GRID1: variants seen among roughly 807,000 people sequenced by gnomAD.
GRID1 encodes glutamate receptor ionotropic, delta-1.
Under a neutral mutation model 98.0 loss-of-function variants are expected in GRID1, and 28 were observed. That is an observed-to-expected ratio of 0.29 (90% CI 0.21 to 0.39). The LOEUF (loss-of-function observed/expected upper bound fraction) is 0.39. Among genes scored for constraint, GRID1 ranks in the 10% least tolerant of loss-of-function variants. The pLI is 1.00. For synonymous variants in GRID1, 553 were observed against 538.5 expected, an observed-to-expected ratio of 1.03 and a Z score of -0.37; for missense variants, 1,111 against 1,340.5, an observed-to-expected ratio of 0.83 and a Z score of 2.67.
chr10:86,182,115 C>T (rs1003595141), intron 3 of GRID1, among the ~76,000 whole-genome samples: 3 of 152,234 alleles, frequency 2.0e-5, no homozygotes, highest in Admixed American at 6.5e-5. Flanking sequence ...TGCAGACAGC[C>T]TTAGAGCTGT....
intron 12 of GRID1, among the ~76,000 whole-genome samples, chr10:85,657,402 C>T (rs1840912138): frequency 6.6e-6 from 1 of 152,136 alleles, no homozygotes; most frequent in African/African-American, 2.4e-5. Flanking sequence ...ACTTTCAGTA[C>T]TCCAGATAAG....
intron 5 of GRID1, among the ~76,000 whole-genome samples, chr10:85,889,248 C>T (rs989753092): frequency 3.3e-5 from 5 of 152,144 alleles, no homozygotes; most frequent in Non-Finnish European, 2.9e-5. Context: ...TTTCTGCAAT[C>T]CCCTGCACCC....
chr10:85,804,980 G>GA (rs1842609635), intron 8 of GRID1, among the ~76,000 whole-genome samples: 1 of 151,308 alleles, frequency 6.6e-6, no homozygotes, highest in Admixed American at 6.6e-5. Context: ...GAAAATGAAG[G>GA]AAAAAAGAGG....
intron 2 of GRID1, among the ~76,000 whole-genome samples, chr10:86,278,996 A>G (rs1025414772): frequency 1.3e-5 from 2 of 152,240 alleles, no homozygotes; most frequent in African/African-American, 4.8e-5. Context: ...TGTGTAATGG[A>G]CTGAATGTTT....
At chr10:85,764,349 C>T (rs1842176555) in intron 8 of GRID1, among the ~76,000 whole-genome samples, 1 of 152,228 alleles carries the variant, frequency 6.6e-6, no homozygotes, top group Non-Finnish European at 1.5e-5. Context: ...CACAGGGCCT[C>T]AGGATAAATT....
At chr10:85,718,618 C>G (rs1262451616) in intron 12 of GRID1, among the ~76,000 whole-genome samples, 2 of 152,242 alleles carry the variant, frequency 1.3e-5, no homozygotes, top group Non-Finnish European at 2.9e-5. Context: ...ACAGCCCAAG[C>G]TCTGTGTTGG....
intron 2 of GRID1, among the ~76,000 whole-genome samples, chr10:86,360,361 C>T (rs1360758905): frequency 1.3e-5 from 2 of 152,206 alleles, no homozygotes; most frequent in Non-Finnish European, 2.9e-5. Flanking sequence ...AAGGAAATAA[C>T]ACTAGTGCAA....
At chr10:85,882,214 GC>G (rs1841040461) in intron 5 of GRID1, among the ~76,000 whole-genome samples, 2 of 152,146 alleles carry the variant, frequency 1.3e-5, no homozygotes, top group African/African-American at 4.8e-5. Flanking sequence ...AGTCAGTGTG[GC>G]GATTCCTCAG....
chr10:86,052,375 T>C (rs1020117056), intron 4 of GRID1: 8 of 152,304 alleles, frequency 5.3e-5, no homozygotes, highest in African/African-American at 9.6e-5. Flanking sequence ...AATACCTTTT[T>C]ACACTGTTAA....
intron 3 of GRID1, among the ~76,000 whole-genome samples, chr10:86,176,392 T>C (rs1196267737): frequency 6.6e-6 from 1 of 152,234 alleles, no homozygotes; most frequent in Non-Finnish European, 1.5e-5. Context: ...ATATTCATCA[T>C]GGCACGAGGT....
At chr10:86,331,693 A>G (rs927409691) in intron 2 of GRID1, among the ~76,000 whole-genome samples, 1 of 152,138 alleles carries the variant, frequency 6.6e-6, no homozygotes, top group Non-Finnish European at 1.5e-5. Context: ...CTCAGCAGTC[A>G]CTTCTATCCC....
intron 4 of GRID1, among the ~76,000 whole-genome samples, chr10:86,033,207 G>A (rs1035416735): frequency 6.6e-6 from 1 of 152,012 alleles, no homozygotes; most frequent in African/African-American, 2.4e-5. Context: ...TCAAGCAGAA[G>A]AGCTGGAGAC....
intron 12 of GRID1, among the ~76,000 whole-genome samples, chr10:85,696,215 G>T (rs537985932): frequency 3.9e-5 from 6 of 152,032 alleles, no homozygotes. Flanking sequence ...CTATAGATAT[G>T]AGTGCATGTT....
chr10:86,009,049 C>T (rs1007942829), intron 4 of GRID1, among the ~76,000 whole-genome samples: 2 of 152,142 alleles, frequency 1.3e-5, no homozygotes, highest in Admixed American at 1.3e-4. Context: ...ATTCAAAATG[C>T]TAATGAGCTC....
intron 4 of GRID1, among the ~76,000 whole-genome samples, chr10:86,071,104 G>A (rs2131921119): frequency 6.6e-6 from 1 of 152,324 alleles, no homozygotes; most frequent in African/African-American, 2.4e-5. Flanking sequence ...CATTGCTTTG[G>A]CTGATTTTAA....
intron 4 of GRID1, among the ~76,000 whole-genome samples, chr10:85,961,543 C>T (rs1323284399): frequency 6.6e-6 from 1 of 151,912 alleles, no homozygotes. Context: ...TTCCTCCCTT[C>T]CTTCTTCCCT....
intron 8 of GRID1, among the ~76,000 whole-genome samples, chr10:85,815,874 T>A (rs1842711665): frequency 6.6e-6 from 1 of 151,870 alleles, no homozygotes. Flanking sequence ...ACTTCAACAA[T>A]AAAGCAAAAC....
chr10:85,878,688 A>G lies in GRID1; in HGVS notation c.781-9508T>C, dbSNP rs1239366020. ...ATCATGCCAAAATGTAAAGACCATC[A>G]AGGCTAGGAATAAACTGCATCAACT... On this transcript the variant is annotated intron_variant, in intron 5 of 15. Coordinates refer to ENST00000327946, the MANE Select transcript of GRID1 (RefSeq NM_017551.3). Among the ~76,000 whole-genome samples the G allele has an allele frequency of 8.5e-5, 13 of 152,328 alleles. No homozygotes were observed. The South Asian group carries it at 1.7e-3, about 19-fold the overall frequency.
chr10:86,089,208 G>A (rs1198652711), intron 4 of GRID1, among the ~76,000 whole-genome samples: 1 of 152,156 alleles, frequency 6.6e-6, no homozygotes, highest in East Asian at 1.9e-4. Context: ...CCCCTACATG[G>A]TGTCAGTGAA....
Sources: allele counts gnomAD v4.1 joint callset (sites outside exome capture counted in the v4.1 genomes callset), GRCh38; gene constraint gnomAD v4.1.1; transcripts MANE v1.5; gene names NCBI Gene and HGNC (gene_info 2026-07-23, HGNC 2026-07-21).